Variants in NAALADL2 observed in about 807,000 individuals in gnomAD.
NAALADL2 encodes inactive N-acetylated-alpha-linked acidic dipeptidase-like protein 2.
NAALADL2 carries 76 observed loss-of-function variants against 87.2 expected under a neutral mutation model. The ratio of observed to expected loss-of-function variants is 0.87; its 90% confidence interval spans 0.72 to 1.05. NAALADL2 has a LOEUF of 1.05. NAALADL2 is among the 50% of genes least tolerant of loss of function. The pLI is 0.00. For synonymous variants in NAALADL2, 354 were observed against 331.0 expected (o/e 1.07, Z -0.75); for missense variants, 1,089 against 945.8 (o/e 1.15, Z -1.99).
At chr3:174,598,763 C>A (rs542633416) in intron 2 of NAALADL2, among the ~76,000 whole-genome samples, 2 of 152,216 alleles carry the variant, frequency 1.3e-5, no homozygotes, top group South Asian at 2.1e-4. Flanking sequence ...AAAAAAAGTA[C>A]ATAGATACTT....
intron 5 of NAALADL2, among the ~76,000 whole-genome samples, chr3:175,351,771 G>T (rs1189398147): frequency 6.6e-6 from 1 of 152,002 alleles, no homozygotes; most frequent in African/African-American, 2.4e-5. Flanking sequence ...CAATGAACTA[G>T]TTGGAGAGGA....
intron 3 of NAALADL2, among the ~76,000 whole-genome samples, chr3:174,836,390 G>A (rs1426093765): frequency 6.6e-6 from 1 of 152,088 alleles, no homozygotes; most frequent in Non-Finnish European, 1.5e-5. Flanking sequence ...ACATGAAAAT[G>A]TTCTGGAGAT....
intron 5 of NAALADL2, among the ~76,000 whole-genome samples, chr3:175,445,693 T>C (rs191414737): frequency 1.9e-4 from 29 of 152,338 alleles, no homozygotes; most frequent in East Asian, 1.7e-3. Flanking sequence ...GTAAATATTA[T>C]ACATATTGTT....
At chr3:175,291,291 ATAT>A (rs888431218) in intron 4 of NAALADL2, among the ~76,000 whole-genome samples, 2 of 152,148 alleles carry the variant, frequency 1.3e-5, no homozygotes, top group African/African-American at 4.8e-5. Flanking sequence ...CATTCTAATA[ATAT>A]TCTAGCAACA....
rs1192277556 is a variant in NAALADL2 at position 174,840,154 on chromosome 3, A to AAT, written c.-9+102417_-9+102418dup. ...AAGAAACTGTGATATATATATATCTAATATATATATCTATATATGAGATGT... is the reference window on the plus strand; with the variant it reads ...AAGAAACTGTGATATATATATATCTAATATATATATATCTATATATGAGATGT... On this transcript the variant is annotated intron_variant, in intron 3 of 3. Coordinates refer to the NAALADL2 transcript ENST00000434257. Among the ~76,000 whole-genome samples the AAT allele has an allele frequency of 6.7e-4, 102 of 151,488 alleles. 5 individuals are homozygous for AAT. The highest frequency in any genetic ancestry group is 4.2e-4 in the South Asian group (2 of 4,818).
chr3:174,516,326 A>G (rs963536310), intron 1 of NAALADL2, among the ~76,000 whole-genome samples: 7 of 152,050 alleles, frequency 4.6e-5, no homozygotes, highest in Non-Finnish European at 1.0e-4. Flanking sequence ...CCACTGCTGT[A>G]TATGTGAAAG....
chr3:175,079,792 A>C, intron 1 of NAALADL2, among the ~76,000 whole-genome samples: 1 of 152,146 alleles, frequency 6.6e-6, no homozygotes, highest in East Asian at 1.9e-4. Context: ...TAAGAGAGCT[A>C]ACTGCACGTG....
At chr3:175,497,068 T>C (rs1027881098) in intron 9 of NAALADL2, among the ~76,000 whole-genome samples, 7 of 151,994 alleles carry the variant, frequency 4.6e-5, no homozygotes, top group Non-Finnish European at 4.4e-5. Context: ...TGTAGTGTTT[T>C]TAATTTTAAT....
chr3:174,562,864 A>G (rs1713793195), intron 2 of NAALADL2, among the ~76,000 whole-genome samples: 1 of 152,090 alleles, frequency 6.6e-6, no homozygotes, highest in Non-Finnish European at 1.5e-5. Flanking sequence ...CACTATAAAG[A>G]TTCACCATTT....
intron 5 of NAALADL2, among the ~76,000 whole-genome samples, chr3:175,329,812 A>C (rs1283992012): frequency 6.6e-6 from 1 of 152,228 alleles, no homozygotes; most frequent in Non-Finnish European, 1.5e-5. Context: ...CATCTTGAAA[A>C]GATTGATTGT....
chr3:175,412,264 C>G (rs940904001), intron 5 of NAALADL2, among the ~76,000 whole-genome samples: 4 of 152,118 alleles, frequency 2.6e-5, no homozygotes, highest in Non-Finnish European at 2.9e-5. Context: ...TGTATGTGCA[C>G]GTGCACGCGT....
chr3:175,182,382 C>G (rs373216673), intron 2 of NAALADL2, among the ~76,000 whole-genome samples: 3 of 151,166 alleles, frequency 2.0e-5, no homozygotes, highest in Non-Finnish European at 4.4e-5. Flanking sequence ...TTGTGCAAAA[C>G]TGTTTTTTGT....
intron 12 of NAALADL2, among the ~76,000 whole-genome samples, chr3:175,740,655 C>A (rs1745102971): frequency 6.6e-6 from 1 of 152,148 alleles, no homozygotes; most frequent in Non-Finnish European, 1.5e-5. Context: ...GAAAATTAAT[C>A]CTTTATCACA....
intron 7 of NAALADL2, among the ~76,000 whole-genome samples, chr3:175,464,442 T>G (rs1316203685): frequency 4.6e-5 from 7 of 151,014 alleles, no homozygotes; most frequent in Non-Finnish European, 1.0e-4. Context: ...AAAAAAAAAT[T>G]GAAATCTTCA....
chr3:175,126,830 A>G (rs1053218728), intron 2 of NAALADL2, among the ~76,000 whole-genome samples: 1 of 151,178 alleles, frequency 6.6e-6, no homozygotes, highest in Non-Finnish European at 1.5e-5. Flanking sequence ...TATTTTTCCC[A>G]AGGGCATTCA....
intron 2 of NAALADL2, among the ~76,000 whole-genome samples, chr3:175,125,578 A>G (rs1331395993): frequency 1.3e-5 from 2 of 152,068 alleles, no homozygotes; most frequent in African/African-American, 4.8e-5. Context: ...GTGAGAGAAA[A>G]TAATTGATAT....
chr3:175,258,856 G>T (rs1750533786), intron 4 of NAALADL2, among the ~76,000 whole-genome samples: 1 of 152,124 alleles, frequency 6.6e-6, no homozygotes, highest in Admixed American at 6.5e-5. Context: ...AATTATCTGT[G>T]TTGACATTGG....
intron 1 of NAALADL2, among the ~76,000 whole-genome samples, chr3:174,515,448 T>C (rs1432285573): frequency 6.6e-6 from 1 of 152,086 alleles, no homozygotes; most frequent in African/African-American, 2.4e-5. Context: ...GGGCAAATGG[T>C]AACTGCTAGT....
chr3:175,283,746 A>C (rs562316237), intron 4 of NAALADL2, among the ~76,000 whole-genome samples: 1 of 152,192 alleles, frequency 6.6e-6, no homozygotes, highest in South Asian at 2.1e-4. Flanking sequence ...AGACCCCTGA[A>C]CTAATTCCAG....
Sources: allele counts gnomAD v4.1 joint callset (sites outside exome capture counted in the v4.1 genomes callset), GRCh38; gene constraint gnomAD v4.1.1; transcripts MANE v1.5; gene names NCBI Gene and HGNC (gene_info 2026-07-23, HGNC 2026-07-21).